The following TMEM132D variants were observed in gnomAD, a reference collection of about 807,000 sequenced individuals.
TMEM132D encodes the protein transmembrane protein 132D.
TMEM132D carries 21 observed loss-of-function variants against 62.3 expected under a neutral mutation model. That is an observed-to-expected ratio of 0.34 (90% confidence interval 0.24 to 0.49). TMEM132D has a LOEUF of 0.49. TMEM132D is among the 20% of genes least tolerant of loss of function. The pLI, the probability that TMEM132D is intolerant of heterozygous loss-of-function variation, is 0.99. For missense variants in TMEM132D, 1,346 were observed against 1,402.8 expected (o/e 0.96, Z 0.65); for synonymous variants, 621 against 575.6 (o/e 1.08, Z -1.13).
intron 2 of TMEM132D, among the ~76,000 whole-genome samples, chr12:129,680,543 T>C (rs987844622): frequency 1.3e-5 from 2 of 152,160 alleles, no homozygotes; most frequent in Non-Finnish European, 2.9e-5. Context: ...GCAGCTGGGA[T>C]TGACACAATG....
At chr12:129,753,184 T>C (rs1281301778) in intron 1 of TMEM132D, among the ~76,000 whole-genome samples, 2 of 152,220 alleles carry the variant, frequency 1.3e-5, no homozygotes, top group Non-Finnish European at 2.9e-5. Flanking sequence ...ACCACGTCTG[T>C]TGGTGCAGCT....
At chr12:129,258,165 C>G (rs1240024017) in intron 4 of TMEM132D, among the ~76,000 whole-genome samples, 2 of 152,120 alleles carry the variant, frequency 1.3e-5, no homozygotes, top group Non-Finnish European at 2.9e-5. Flanking sequence ...ATTTAAATGC[C>G]CTGAACTTCA....
At chr12:129,696,061 T>C (rs925521557) in intron 2 of TMEM132D, among the ~76,000 whole-genome samples, 1 of 152,212 alleles carries the variant, frequency 6.6e-6, no homozygotes, top group Non-Finnish European at 1.5e-5. Flanking sequence ...GGTTACATCA[T>C]TCAAGTGAAT....
In TMEM132D at chr12:129,284,308, C is replaced by G. The variant is rs77410113; in HGVS notation, c.1299+53326G>C. Reference sequence around the variant, plus strand: ...AGTCCCCAGATGCCTGAAGACCCATCTACATCATCTGAAACAGAAAACCAC... The same window carrying G: ...AGTCCCCAGATGCCTGAAGACCCATGTACATCATCTGAAACAGAAAACCAC... On this transcript the variant is annotated intron_variant, in intron 4 of 8. Coordinates refer to ENST00000422113, the MANE Select transcript of TMEM132D (RefSeq NM_133448.3). Among the ~76,000 whole-genome samples the G allele has an allele frequency of 7.5e-4, 114 of 152,370 alleles. 2 individuals carry two copies. In the East Asian group the frequency reaches 0.017, roughly 22 times the overall value.
intron 4 of TMEM132D, among the ~76,000 whole-genome samples, chr12:129,286,697 A>G (rs1359409704): frequency 6.6e-6 from 1 of 152,176 alleles, no homozygotes; most frequent in African/African-American, 2.4e-5. Context: ...ATCCATTAAG[A>G]GCAAATGTGT....
intron 2 of TMEM132D, among the ~76,000 whole-genome samples, chr12:129,672,585 G>A (rs1207083416): frequency 6.6e-6 from 1 of 152,206 alleles, no homozygotes; most frequent in Non-Finnish European, 1.5e-5. Flanking sequence ...GAGAACAGCT[G>A]GGTGAGGATG....
Position 129,520,920 on chromosome 12 carries a change from T to C in TMEM132D, c.1115+10139A>G, listed in dbSNP as rs1436090186. Among the ~76,000 whole-genome samples, 3 of 152,104 alleles carry C rather than the reference T, an allele frequency of 2.0e-5. 1 individual carries two copies. The highest frequency in any genetic ancestry group is 2.9e-5 in the Non-Finnish European group (2 of 68,022). ...TCCATGTTACACTTGCCTCCAGGAGTGAGTAATCAAAACCACATTCAGCAA... is the reference window on the plus strand; with the variant it reads ...TCCATGTTACACTTGCCTCCAGGAGCGAGTAATCAAAACCACATTCAGCAA... On this transcript the variant is annotated intron_variant, in intron 3 of 8. Coordinates refer to ENST00000422113, the MANE Select transcript of TMEM132D (RefSeq NM_133448.3).
At chr12:129,329,985 GTTCTAAAAATATAAGTTTTGCC>G (rs1391041850) in intron 4 of TMEM132D, among the ~76,000 whole-genome samples, 2 of 152,082 alleles carry the variant, frequency 1.3e-5, no homozygotes, top group African/African-American at 4.8e-5. Context: ...AAATTATATG[GTTCTAAAAATATAAGTTTTGCC>G]TGCTAAGATC....
chr12:129,703,272 T>C (rs1881424648), intron 1 of TMEM132D, among the ~76,000 whole-genome samples: 2 of 152,212 alleles, frequency 1.3e-5, no homozygotes, highest in Non-Finnish European at 2.9e-5. Flanking sequence ...CCAAGGGCAA[T>C]GACATCGGGT....
At chr12:129,665,318 G>A (rs1456722649) in intron 2 of TMEM132D, among the ~76,000 whole-genome samples, 1 of 152,130 alleles carries the variant, frequency 6.6e-6, no homozygotes, top group Non-Finnish European at 1.5e-5. Context: ...AGGTTTAGAT[G>A]TACCAGCATT....
intron 3 of TMEM132D, among the ~76,000 whole-genome samples, chr12:129,375,113 G>T (rs779766992): frequency 4.6e-5 from 7 of 152,200 alleles, no homozygotes; most frequent in Non-Finnish European, 7.3e-5. Context: ...AACTTGGGCT[G>T]CAGTACAGCT....
intron 3 of TMEM132D, chr12:129,522,662 A>T (rs2137082166): frequency 6.6e-6 from 1 of 152,354 alleles, no homozygotes. Flanking sequence ...AACATCGAAG[A>T]CTATTTCGGA....
intron 3 of TMEM132D, among the ~76,000 whole-genome samples, chr12:129,426,881 G>A (rs183826827): frequency 1.3e-5 from 2 of 152,204 alleles, no homozygotes; most frequent in South Asian, 2.1e-4. Context: ...CCTTCAAAGC[G>A]CATGTGTTAC....
chr12:129,707,956 C>A (rs146426647), intron 1 of TMEM132D, among the ~76,000 whole-genome samples: 1 of 152,182 alleles, frequency 6.6e-6, no homozygotes, highest in Non-Finnish European at 1.5e-5. Context: ...GTGGTTCACA[C>A]CCGTAATCCC....
intron 1 of TMEM132D, among the ~76,000 whole-genome samples, chr12:129,816,442 A>C (rs1464192170): frequency 2.0e-5 from 3 of 151,756 alleles, no homozygotes; most frequent in African/African-American, 7.3e-5. Flanking sequence ...CTTCTGAAAA[A>C]CTCTGGGCCT....
intron 5 of TMEM132D, among the ~76,000 whole-genome samples, chr12:129,135,692 T>C (rs1335707663): frequency 1.3e-5 from 2 of 152,126 alleles, no homozygotes; most frequent in Non-Finnish European, 2.9e-5. Flanking sequence ...TCTAGAATTA[T>C]GGAATTAGGA....
Position 129,374,657 on chromosome 12 carries a change from C to G in TMEM132D, c.1116-36840G>C, listed in dbSNP as rs190774891. Reference sequence around the variant, plus strand: ...TGTGCTAGACATTTTCTAGAGGCTGCCCGTGAGTACTTCCCTTGACAGCCA... The same window carrying G: ...TGTGCTAGACATTTTCTAGAGGCTGGCCGTGAGTACTTCCCTTGACAGCCA... On this transcript the variant is annotated intron_variant, in intron 3 of 8. Transcript: ENST00000422113. 5.9e-3 allele frequency among the ~76,000 whole-genome samples: 905 copies of G among 152,216 alleles called. 33 individuals are homozygous for G. The highest frequency in any genetic ancestry group is 0.051 in the Admixed American group (773 of 15,296).
In TMEM132D at chr12:129,530,741, G is replaced by C. The variant is rs115899277; in HGVS notation, c.1115+318C>G. Among the ~76,000 whole-genome samples the C allele has an allele frequency of 8.7e-3, 1,326 of 152,264 alleles. 21 individuals carry two copies. The highest frequency in any genetic ancestry group is 0.03 in the African/African-American group (1,260 of 41,550). ...GTTTCATGAGACATGCAGAGTTTCA[G>C]TTCCTCCAATAACATGGACTAGAAA... On this transcript the variant is annotated intron_variant, in intron 3 of 8. Transcript: ENST00000422113.
chr12:129,819,696 A>T (rs1221266193), intron 1 of TMEM132D, among the ~76,000 whole-genome samples: 2 of 152,166 alleles, frequency 1.3e-5, no homozygotes, highest in Non-Finnish European at 2.9e-5. Flanking sequence ...CCTGGCACGT[A>T]GTTAGTGCTA....
Sources: gnomAD v4.1 joint callset for allele counts (sites outside exome capture counted in the v4.1 genomes callset) on GRCh38, gnomAD v4.1.1 for gene constraint, MANE v1.5 for transcripts, NCBI Gene and HGNC (gene_info 2026-07-23, HGNC 2026-07-21) for gene names.